The following TMEM52B variants were observed in gnomAD, a reference collection of about 807,000 sequenced individuals.
TMEM52B encodes the protein chromosome 12 open reading frame 59.
A neutral mutation model predicts 16.1 loss-of-function variants in TMEM52B; 11 were observed. The ratio of observed to expected loss-of-function variants is 0.68; its 90% CI spans 0.43 to 1.13. The LOEUF (loss-of-function observed/expected upper bound fraction) is 1.13, where lower values mean the gene tolerates loss of function less well. Ranked by LOEUF, TMEM52B falls within the 50% of genes most tolerant of loss-of-function variation. The pLI is 0.00. For synonymous variants in TMEM52B, 101 were observed against 93.8 expected (o/e 1.08, Z -0.45); for missense variants, 243 against 230.4 (o/e 1.05, Z -0.35).
At chr12:10,185,871 G>C (rs750151009) in intron 3 of TMEM52B, among the ~76,000 whole-genome samples, 1 of 152,044 alleles carries the variant, frequency 6.6e-6, no homozygotes, top group African/African-American at 2.4e-5. Flanking sequence ...GAGAAACTCC[G>C]TCTCTACTAA....
At position 10,190,469 on chromosome 12, in the gene TMEM52B, G is replaced by A; in HGVS notation, c.*329G>A. ...AGAATTCCTGTACCCACATGATACT[G>A]CAAGTTGTGTCTCTCTCTGTCAGCG... is the stretch of plus-strand genomic sequence containing the variant. On this transcript the variant is annotated 3_prime_UTR_variant, in exon 5 of 5. Coordinates refer to ENST00000543484, the MANE Select transcript of TMEM52B (RefSeq NM_001384896.1). 1 of 256,274 alleles carries A rather than the reference G, an allele frequency of 3.9e-6. No individual in the cohort carries two copies. Among genetic ancestry groups the A allele is most frequent in the South Asian group, 5.2e-5 (1 of 19,228 alleles). The allele number at this position is 256,274 out of a possible 1,614,324, so 15.9% of individuals were successfully genotyped here. A position where few individuals can be genotyped will look rare whatever the true frequency, so the allele number is the denominator to read the frequency against.
Position 10,171,760 on chromosome 12 carries a change from A to G in TMEM52B, c.-95+909A>G, listed in dbSNP as rs567919834. On this transcript the variant is annotated intron_variant, in intron 1 of 5. Transcript: ENST00000381923. ...TGTTATTGCGAAGATTCTGAGAAAT[A>G]ATACTCTGAAAGTGAATAACATATA... 3.9e-5 allele frequency among the ~76,000 whole-genome samples: 6 copies of G among 152,338 alleles called. No individual in the cohort carries two copies. In the South Asian group the frequency reaches 1.0e-3, roughly 26 times the overall value.
intron 4 of TMEM52B, 37 bp downstream of exon 4, chr12:10,186,626 C>A: frequency 6.7e-7 from 1 of 1,502,940 alleles, no homozygotes; most frequent in Admixed American, 1.9e-5. Flanking sequence ...GAGGAGGACC[C>A]AATTTAAGGG....
At chr12:10,186,627 A>G (rs770531991) in intron 4 of TMEM52B, 38 bp downstream of exon 4, 9 of 1,502,580 alleles carry the variant, frequency 6.0e-6, no homozygotes, top group Middle Eastern at 1.8e-4. Context: ...AGGAGGACCC[A>G]ATTTAAGGGA....
At chr12:10,189,738 T>A (rs2931827) in intron 4 of TMEM52B, among the ~76,000 whole-genome samples, 158 bp from the exon 5 acceptor site, 31,597 of 151,992 alleles carry the variant, frequency 0.21, 3,346 homozygotes, top group South Asian at 0.28. Context: ...GTTGTAAACA[T>A]GCTTCAAAGG....
At chr12:10,187,838 C>G (rs1412102022) in intron 4 of TMEM52B, among the ~76,000 whole-genome samples, 2 of 152,222 alleles carry the variant, frequency 1.3e-5, no homozygotes, top group Non-Finnish European at 2.9e-5. Flanking sequence ...GTGGCTCATG[C>G]CTGTAATCCC....
At chr12:10,171,944 A>G in intron 1 of TMEM52B, 1 of 1,298,696 alleles carries the variant, frequency 7.7e-7, no homozygotes, top group Admixed American at 1.8e-5. Context: ...CGGTGAATTT[A>G]CATTTTGGGG....
chr12:10,172,109 A>G (rs1331271589), intron 1 of TMEM52B: 1 of 1,538,988 alleles, frequency 6.5e-7, no homozygotes, highest in East Asian at 2.3e-5. Context: ...GAGAGAGTGA[A>G]GCAGTCACGA....
intron 2 of TMEM52B, among the ~76,000 whole-genome samples, chr12:10,183,494 G>C (rs1948846330): frequency 6.6e-6 from 1 of 151,916 alleles, no homozygotes; most frequent in African/African-American, 2.4e-5. Flanking sequence ...TTCTATAAAT[G>C]TGTGACCAGA....
chr12:10,178,501 T>C (rs1456194474), upstream of TMEM52B, among the ~76,000 whole-genome samples: 19 of 139,908 alleles, frequency 1.4e-4, no homozygotes, highest in Admixed American at 5.4e-4. Flanking sequence ...CCAGCCTGGG[T>C]GACAGAGCAA....
In TMEM52B at chr12:10,182,303, AG is replaced by A. The variant is rs1416466736; in HGVS notation, c.55-244del. On this transcript the variant is annotated intron_variant, in intron 1 of 4. Coordinates refer to ENST00000543484, the MANE Select transcript of TMEM52B (RefSeq NM_001384896.1). Reference sequence around the variant, plus strand: ...GTAAATGGCTACCTCTCATTCACAAAGGGTGATGCTCACCCACCATCAACAC... The same window carrying A: ...GTAAATGGCTACCTCTCATTCACAAAGGTGATGCTCACCCACCATCAACAC... The A allele has an allele frequency of 1.3e-5, 13 of 985,326 alleles. No homozygotes were observed. In the East Asian group the frequency reaches 8.0e-4, roughly 60 times the overall value. 61.0% of individuals were successfully genotyped at this position (985,326 alleles called of 1,614,324 possible). A position where few individuals can be genotyped will look rare whatever the true frequency, so the allele number is the denominator to read the frequency against.
chr12:10,176,839 C>T (rs1028123656), upstream of TMEM52B, among the ~76,000 whole-genome samples: 1 of 152,098 alleles, frequency 6.6e-6, no homozygotes, highest in East Asian at 1.9e-4. Context: ...TAACCTGCTC[C>T]AAGATCACAC....
At chr12:10,184,838 AT>A (rs36048805) in intron 2 of TMEM52B, among the ~76,000 whole-genome samples, 15 of 148,826 alleles carry the variant, frequency 1.0e-4, no homozygotes, top group Admixed American at 2.7e-4. Context: ...CTTTCTTAGT[AT>A]TTTTTTTTTC....
At chr12:10,184,289 G>A (rs898899047) in intron 2 of TMEM52B, among the ~76,000 whole-genome samples, 1 of 152,156 alleles carries the variant, frequency 6.6e-6, no homozygotes, top group African/African-American at 2.4e-5. Context: ...ATAAACTGTA[G>A]ATGTAAGTAA....
intron 1 of TMEM52B, 194 bp from the exon 2 acceptor site, chr12:10,182,356 G>C: frequency 1.0e-6 from 1 of 985,304 alleles, no homozygotes; most frequent in Non-Finnish European, 1.2e-6. Flanking sequence ...GTTCTTCAAG[G>C]TTCCCTTACC....
At chr12:10,176,047 T>A (rs1948763284), upstream of TMEM52B, among the ~76,000 whole-genome samples, 1 of 152,254 alleles carries the variant, frequency 6.6e-6, no homozygotes, top group African/African-American at 2.4e-5. Flanking sequence ...CATAAGCTAA[T>A]GATTCACAAG....
At chr12:10,177,808 ATAATAAT>A (rs760055099), upstream of TMEM52B, among the ~76,000 whole-genome samples, 7,981 of 84,642 alleles carry the variant, frequency 0.094, 301 homozygotes, top group African/African-American at 0.15. Context: ...AATAATAATA[ATAATAAT>A]TTTTTTATTA....
chr12:10,180,733 A>G (rs1948812662), intron 1 of TMEM52B, among the ~76,000 whole-genome samples: 1 of 152,192 alleles, frequency 6.6e-6, no homozygotes, highest in African/African-American at 2.4e-5. Flanking sequence ...CTTTCCTGAA[A>G]TATCAGATCA....
intron 4 of TMEM52B, among the ~76,000 whole-genome samples, chr12:10,187,107 T>TTG (rs1336980001): frequency 1.4e-5 from 2 of 141,056 alleles, no homozygotes; most frequent in Non-Finnish European, 3.1e-5. Context: ...CGGTTTTTTT[T>TTG]TTTTTTTTTT....
Sources: allele counts gnomAD v4.1 joint callset (sites outside exome capture counted in the v4.1 genomes callset), GRCh38; gene constraint gnomAD v4.1.1; transcripts MANE v1.5; gene names NCBI Gene and HGNC (gene_info 2026-07-23, HGNC 2026-07-21).